The following LTA4H variants were observed in gnomAD, a reference collection of about 807,000 sequenced individuals.
LTA4H encodes leukotriene A4 hydrolase.
Under a neutral mutation model 89.8 loss-of-function variants are expected in LTA4H, and 59 were observed. The observed-to-expected ratio is 0.66, with a 90% CI of 0.53 to 0.82. LTA4H has a LOEUF of 0.82. LTA4H is among the 40% of genes least tolerant of loss of function. The pLI, the probability that LTA4H is intolerant of heterozygous loss-of-function variation, is 0.00. For missense variants in LTA4H, 617 were observed against 727.0 expected (o/e 0.85, Z 1.74); for synonymous variants, 227 against 253.1 (o/e 0.90, Z 0.98).
At chr12:96,013,933 A>G (rs550297704) in intron 12 of LTA4H, 80 bp from the exon 13 acceptor site, 2 of 674,278 alleles carry the variant, frequency 3.0e-6, no homozygotes, top group South Asian at 3.6e-5. Flanking sequence ...GCATTGTACT[A>G]TTAACCACAG....
At chr12:96,029,230 C>T in intron 1 of LTA4H, 45 bp from the exon 2 acceptor site, 1 of 1,166,794 alleles carries the variant, frequency 8.6e-7, no homozygotes, top group Admixed American at 2.4e-5. Flanking sequence ...TTTCATTTAC[C>T]AGAAAAAACT....
In LTA4H at chr12:96,022,400, A is replaced by G; in HGVS notation, c.481-149T>C. The G allele has an allele frequency of 6.8e-6, 4 of 589,690 alleles. No individual in the cohort carries two copies. Among genetic ancestry groups the G allele is most frequent in the Non-Finnish European group, 9.0e-6 (3 of 334,222 alleles). The allele number at this position is 589,690 out of a possible 1,614,324, so 36.5% of individuals were successfully genotyped here. On this transcript the variant is annotated intron_variant, in intron 4 of 18. Coordinates refer to ENST00000228740, the MANE Select transcript of LTA4H (RefSeq NM_000895.3). This position sits in a 1 kb window ranked among gnomAD's most constrained non-coding sequence, Gnocchi z 4.0. ...AAGTATATACATATACAAAAAGTAT[A>G]TATATACACACACATATATATGAAC...
chr12:96,010,316 T>C (rs1163082094), intron 14 of LTA4H: 1 of 152,196 alleles, frequency 6.6e-6, no homozygotes, highest in Admixed American at 6.5e-5. Context: ...CTTGTTCTCA[T>C]GGTGCTGACA....
At chr12:96,016,538 T>C (rs1950377811) in intron 10 of LTA4H, among the ~76,000 whole-genome samples, 1 of 148,612 alleles carries the variant, frequency 6.7e-6, no homozygotes, top group Non-Finnish European at 1.5e-5. Flanking sequence ...AACCCTGGAG[T>C]TGCAGTTAGC....
At chr12:96,009,210 A>C in intron 14 of LTA4H, 62 bp from the exon 15 acceptor site, 1 of 1,099,028 alleles carries the variant, frequency 9.1e-7, no homozygotes. Flanking sequence ...TGCAGTTTTA[A>C]AGCTACAGTA....
At chr12:96,016,862 T>G (rs1004096201) in intron 10 of LTA4H, among the ~76,000 whole-genome samples, 182 bp downstream of exon 10, 2 of 151,114 alleles carry the variant, frequency 1.3e-5, no homozygotes, top group Non-Finnish European at 2.9e-5. Flanking sequence ...ATCGCACCAC[T>G]GCACTCTAGC....
chr12:96,011,998 T>C (rs1200765976), intron 14 of LTA4H: 1 of 152,224 alleles, frequency 6.6e-6, no homozygotes, highest in Admixed American at 6.5e-5. Context: ...GCCACCTGTT[T>C]CCAACACAAA....
Position 96,014,910 on chromosome 12 carries a change from G to A in LTA4H, c.1149C>T (p.Pro383=), listed in dbSNP as rs1950353741. Residue 383 remains proline (P), a synonymous_variant, in exon 12 of 19, where the codon CCC becomes CCT. Transcript: ENST00000228740. The stretch of plus-strand genomic sequence containing the variant: ...AAAGTAAAGCAAAGCCCTTCTCATA[G>A]GGAACTGAAGAATAAGCTACATCAG... The part of the protein sequence containing the change: ...IDPDVAYSSV[P]YEKGFALLFY... The A allele has an allele frequency of 6.2e-7, 1 of 1,613,586 alleles. No homozygotes were observed. The highest frequency in any genetic ancestry group is 1.7e-5 in the Admixed American group (1 of 59,978).
intron 10 of LTA4H, among the ~76,000 whole-genome samples, chr12:96,016,313 A>AG (rs1218861245): frequency 6.6e-6 from 1 of 151,238 alleles, no homozygotes; most frequent in Admixed American, 6.6e-5. Context: ...AAAAAAAAAA[A>AG]AAAAAAATCC....
chr12:96,015,339 A>G (rs1046291801), intron 11 of LTA4H, among the ~76,000 whole-genome samples: 2 of 152,226 alleles, frequency 1.3e-5, no homozygotes, highest in Admixed American at 6.5e-5. Context: ...GTAAACAGCT[A>G]TATTAATAGC....
At chr12:96,028,307 A>C (rs150200689) in intron 2 of LTA4H, among the ~76,000 whole-genome samples, 47 of 152,272 alleles carry the variant, frequency 3.1e-4, no homozygotes, top group South Asian at 6.2e-4. Flanking sequence ...TCCCTATGCC[A>C]CAGTTTCCTT....
chr12:96,040,277 C>T (rs1950678207), upstream of LTA4H, among the ~76,000 whole-genome samples: 1 of 152,192 alleles, frequency 6.6e-6, no homozygotes, highest in Admixed American at 6.5e-5. Flanking sequence ...CCCTCACACA[C>T]TCCTCAATAA....
intron 3 of LTA4H, 50 bp from the exon 4 acceptor site, chr12:96,024,597 T>A (rs373635160): frequency 7.0e-6 from 8 of 1,151,024 alleles, no homozygotes; most frequent in South Asian, 1.2e-5. Context: ...TTCGCATAAG[T>A]CATTAAGAAA....
Position 96,018,914 on chromosome 12 carries a change from A to AAC in LTA4H, c.712-13_712-12dup. The stretch of plus-strand genomic sequence containing the variant: ...AAGCATAGATTCAGTCTGAAAAATC[A>AAC]ACATATATATGTCTGTATGCCTTAA... On this transcript the variant is annotated splice_polypyrimidine_tract_variant and intron_variant, in intron 7 of 18. Coordinates refer to ENST00000228740, the MANE Select transcript of LTA4H (RefSeq NM_000895.3). 1 of 1,570,122 alleles carries AAC rather than the reference A, an allele frequency of 6.4e-7. No individual in the cohort carries two copies. Among genetic ancestry groups the AAC allele is most frequent in the South Asian group, 1.2e-5 (1 of 83,662 alleles).
At chr12:96,016,603 A>AT (rs1438620846) in intron 10 of LTA4H, among the ~76,000 whole-genome samples, 4 of 150,690 alleles carry the variant, frequency 2.7e-5, no homozygotes, top group African/African-American at 7.3e-5. Context: ...CTTGTCTCCA[A>AT]TTAAAAAAAA....
intron 12 of LTA4H, 129 bp downstream of exon 12, chr12:96,014,726 T>C: frequency 3.5e-6 from 3 of 850,478 alleles, no homozygotes; most frequent in Non-Finnish European, 5.3e-6. Context: ...ACAATACAGA[T>C]TTCTTCAGCA....
Position 96,000,946 on chromosome 12 carries a change from A to C in LTA4H, c.*43T>G, listed in dbSNP as rs1443931806. 1 of 1,314,054 alleles carries C rather than the reference A, an allele frequency of 7.6e-7. No individual in the cohort carries two copies. Among genetic ancestry groups the C allele is most frequent in the Non-Finnish European group, 1.1e-6 (1 of 911,494 alleles). 81.4% of individuals were successfully genotyped at this position (1,314,054 alleles called of 1,614,324 possible). A position where few individuals can be genotyped will look rare whatever the true frequency, so the allele number is the denominator to read the frequency against. On this transcript the variant is annotated 3_prime_UTR_variant, in exon 19 of 19. Coordinates refer to ENST00000228740, the MANE Select transcript of LTA4H (RefSeq NM_000895.3). ...AGTTTTATATTTCTTTACGAATTCC[A>C]TTTAAAAAAGAGAAATCTCTAAAAT... is the stretch of plus-strand genomic sequence containing the variant.
intron 3 of LTA4H, among the ~76,000 whole-genome samples, chr12:96,026,346 A>G (rs1185426287): frequency 6.6e-6 from 1 of 152,256 alleles, no homozygotes; most frequent in African/African-American, 2.4e-5. Context: ...TCATTTATTA[A>G]TTTAGCTGAA....
At chr12:96,007,359 A>G (rs933590280) in intron 15 of LTA4H, among the ~76,000 whole-genome samples, 8 of 152,226 alleles carry the variant, frequency 5.3e-5, no homozygotes, top group Admixed American at 2.0e-4. Context: ...GGATATATTT[A>G]TGTGGTAAAA....
Sources: gnomAD v4.1 joint callset for allele counts (sites outside exome capture counted in the v4.1 genomes callset) on GRCh38, gnomAD v4.1.1 for gene constraint, Gnocchi (gnomAD v3.1) non-coding constraint, MANE v1.5 for transcripts, NCBI Gene and HGNC (gene_info 2026-07-23, HGNC 2026-07-21) for gene names.